Variants in OPN5 observed in about 807,000 individuals in gnomAD.
OPN5 encodes the protein opsin 5.
OPN5 carries 18 observed loss-of-function variants against 41.7 expected under a neutral mutation model. That is an observed-to-expected ratio of 0.43 (90% CI 0.30 to 0.64). OPN5 has a LOEUF of 0.64. Among genes scored for constraint, OPN5 ranks in the 30% least tolerant of loss-of-function variants. OPN5 has a pLI of 0.13. For synonymous variants in OPN5, 178 were observed against 164.3 expected (o/e 1.08, Z -0.64); for missense variants, 318 against 434.5 (o/e 0.73, Z 2.38).
exon 3 of OPN5, chr6:47,791,843 C>T (rs145617365): frequency 5.6e-6 from 9 of 1,613,924 alleles, no homozygotes; most frequent in Admixed American, 1.7e-5. Flanking sequence ...CTTTTGTCAC[C>T]GCTGGGTGTT....
chr6:47,820,131 AATAG>A (rs1762572395), intron 6 of OPN5, among the ~76,000 whole-genome samples: 1 of 81,572 alleles, frequency 1.2e-5, no homozygotes, highest in African/African-American at 4.0e-5. Context: ...TCTCCTTTTG[AATAG>A]AGAGAGAGAG....
At chr6:47,805,424 TTGTG>T (rs3031322) in intron 4 of OPN5, among the ~76,000 whole-genome samples, 13 of 150,378 alleles carry the variant, frequency 8.6e-5, no homozygotes, top group Admixed American at 7.3e-4. Flanking sequence ...ATATTATTAA[TTGTG>T]TGTGTGTGTG....
chr6:47,816,014 A>G (rs1167432191), intron 6 of OPN5, among the ~76,000 whole-genome samples: 4 of 152,168 alleles, frequency 2.6e-5, no homozygotes, highest in African/African-American at 7.2e-5. Context: ...GGCAACTATT[A>G]CTTAAAACAT....
At chr6:47,814,972 G>T (rs1762388264) in intron 6 of OPN5, among the ~76,000 whole-genome samples, 1 of 152,010 alleles carries the variant, frequency 6.6e-6, no homozygotes. Flanking sequence ...ATTAAACCAA[G>T]AATATAAAAT....
At chr6:47,805,255 C>T (rs1045991753) in intron 4 of OPN5, among the ~76,000 whole-genome samples, 1 of 152,168 alleles carries the variant, frequency 6.6e-6, no homozygotes, top group South Asian at 2.1e-4. Context: ...AGGAGAGCTG[C>T]GTGTGCACAT....
intron 5 of OPN5, among the ~76,000 whole-genome samples, chr6:47,809,227 G>A (rs1322466547): frequency 2.0e-5 from 3 of 152,148 alleles, no homozygotes; most frequent in African/African-American, 4.8e-5. Context: ...GGTGAGGGGT[G>A]TTGAGATGGC....
chr6:47,801,811 T>C (rs1364720075), intron 4 of OPN5, among the ~76,000 whole-genome samples: 1 of 77,638 alleles, frequency 1.3e-5, no homozygotes, highest in Non-Finnish European at 3.2e-5. Flanking sequence ...GTAACAACCA[T>C]GTTTTTTTTT....
intron 4 of OPN5, among the ~76,000 whole-genome samples, chr6:47,800,547 A>G (rs965731603): frequency 6.6e-6 from 1 of 152,232 alleles, no homozygotes; most frequent in Non-Finnish European, 1.5e-5. Flanking sequence ...GAAGTTGCAT[A>G]TCTTGTAACC....
chr6:47,813,845 G>A (rs557731548), intron 6 of OPN5, among the ~76,000 whole-genome samples: 1 of 152,072 alleles, frequency 6.6e-6, no homozygotes, highest in South Asian at 2.1e-4. Context: ...ATAACTTGGG[G>A]CCATCTGCTT....
intron 2 of OPN5, chr6:47,787,040 T>A: frequency 9.1e-6 from 9 of 988,802 alleles, no homozygotes; most frequent in Non-Finnish European, 1.1e-5. Flanking sequence ...AACAAAGGAA[T>A]CTTGAAGGGT....
intron 4 of OPN5, among the ~76,000 whole-genome samples, chr6:47,798,230 CTAAT>C (rs1773640173): frequency 6.6e-6 from 1 of 151,864 alleles, no homozygotes. Flanking sequence ...ACAAACATCT[CTAAT>C]TATTAATATT....
exon 5 of OPN5, chr6:47,808,186 T>G: frequency 6.2e-7 from 1 of 1,613,552 alleles, no homozygotes; most frequent in Non-Finnish European, 8.5e-7. Flanking sequence ...GATTCCTGAT[T>G]GCCTGGATTC....
At position 47,795,477 on chromosome 6, in the gene OPN5, G is replaced by C. The variant is rs1773521082; in HGVS notation, c.670G>C (p.Ala224Pro). The change falls in exon 4 of 7, where the codon GCC becomes CCC. Residue 224 changes from alanine (A) to proline (P), a missense_variant. Transcript: ENST00000371211. ...CGTGTTCTCCTACGTAAAGATCATTGCCAAGGTTAAGTCCTCTTCCAAAGA... is the reference window on the plus strand; with the variant it reads ...CGTGTTCTCCTACGTAAAGATCATTCCCAAGGTTAAGTCCTCTTCCAAAGA... 1.4e-5 allele frequency: 22 copies of C among 1,613,960 alleles called. No individual in the cohort carries two copies. Among genetic ancestry groups the C allele is most frequent in the Non-Finnish European group, 1.8e-5 (21 of 1,179,956 alleles).
intron 6 of OPN5, among the ~76,000 whole-genome samples, chr6:47,820,523 G>C (rs906468216): frequency 6.6e-6 from 1 of 152,144 alleles, no homozygotes; most frequent in African/African-American, 2.4e-5. Context: ...ATTTACACTT[G>C]AGATGAGAAA....
chr6:47,785,433 T>C (rs1293819570), intron 1 of OPN5, among the ~76,000 whole-genome samples: 2 of 152,212 alleles, frequency 1.3e-5, no homozygotes, highest in African/African-American at 2.4e-5. Flanking sequence ...GGTGGTTTCA[T>C]ACCATCAGCT....
At chr6:47,824,142 A>C in exon 7 of OPN5, 1 of 670,274 alleles carries the variant, frequency 1.5e-6, no homozygotes, top group Non-Finnish European at 2.7e-6. Flanking sequence ...GAATATCAAA[A>C]CAATGATGCA....
chr6:47,793,216 G>C (rs531238677), intron 3 of OPN5, among the ~76,000 whole-genome samples: 1 of 152,092 alleles, frequency 6.6e-6, no homozygotes. Context: ...CTTCCTGAGA[G>C]TGTTTGAGGA....
chr6:47,808,499 G>A (rs367581119), intron 5 of OPN5, 104 bp downstream of exon 5: 7 of 1,251,830 alleles, frequency 5.6e-6, no homozygotes, highest in East Asian at 2.3e-5. Flanking sequence ...AAAGCTCATC[G>A]CCTAGGAGTA....
chr6:47,812,215 C>T (rs760635373), intron 6 of OPN5, among the ~76,000 whole-genome samples: 5 of 152,068 alleles, frequency 3.3e-5, no homozygotes, highest in South Asian at 2.1e-4. Flanking sequence ...GAGGTTTGTA[C>T]TCTGATGGCA....
Sources: allele counts gnomAD v4.1 joint callset (sites outside exome capture counted in the v4.1 genomes callset), GRCh38; gene constraint gnomAD v4.1.1; transcripts MANE v1.5; gene names NCBI Gene and HGNC (gene_info 2026-07-23, HGNC 2026-07-21).